GPR39: variants seen among roughly 807,000 people sequenced by gnomAD.
The protein encoded by GPR39 is G protein-coupled receptor 39, also known as zinc sensing receptor.
Under a neutral mutation model 18.4 loss-of-function variants are expected in GPR39, and 23 were observed. That is an observed-to-expected ratio of 1.25 (90% CI 0.90 to 1.77). GPR39 has a LOEUF of 1.77. Ranked by LOEUF, GPR39 falls within the 40% of genes most tolerant of loss-of-function variation. The pLI is 0.00. For synonymous variants in GPR39, 280 were observed against 257.9 expected, an observed-to-expected ratio of 1.09 and a Z score of -0.82; for missense variants, 647 against 602.4, an observed-to-expected ratio of 1.07 and a Z score of -0.78.
chr2:132,643,419 T>A (rs7558730), intron 1 of GPR39, among the ~76,000 whole-genome samples: 1 of 152,034 alleles, frequency 6.6e-6, no homozygotes, highest in Non-Finnish European at 1.5e-5. Flanking sequence ...TGAACACAGC[T>A]AGGGTCCCCT....
chr2:132,608,787 C>A lies in GPR39; in HGVS notation c.857-36314C>A, dbSNP rs114591601. 6.5e-3 allele frequency among the ~76,000 whole-genome samples: 997 copies of A among 152,292 alleles called. 17 individuals are homozygous for A. Among genetic ancestry groups the A allele is most frequent in the African/African-American group, 0.023 (945 of 41,560 alleles). ...TTTAAGTAGCCATTAGCCCCCTCCG[C>A]TGCAAAGCTGGGGTGGGGTGCGGGA... On this transcript the variant is annotated intron_variant, in intron 1 of 1. Coordinates refer to ENST00000329321, the MANE Select transcript of GPR39 (RefSeq NM_001508.3).
chr2:132,638,165 A>T (rs1199090892), intron 1 of GPR39, among the ~76,000 whole-genome samples: 1 of 152,088 alleles, frequency 6.6e-6, no homozygotes, highest in African/African-American at 2.4e-5. Flanking sequence ...AGAAGACAGG[A>T]TGAGGAAGAG....
chr2:132,445,015 A>G (rs961780291), intron 1 of GPR39, among the ~76,000 whole-genome samples: 1 of 152,186 alleles, frequency 6.6e-6, no homozygotes, highest in African/African-American at 2.4e-5. Context: ...AAATGGCTTC[A>G]GCTCCCCTAC....
intron 1 of GPR39, among the ~76,000 whole-genome samples, chr2:132,530,281 GAAGA>G (rs973485592): frequency 1.3e-5 from 2 of 152,116 alleles, no homozygotes; most frequent in African/African-American, 4.8e-5. Context: ...TGAATGAAAT[GAAGA>G]GAGAAGAGAA....
chr2:132,620,166 G>A (rs1681414769), intron 1 of GPR39, among the ~76,000 whole-genome samples: 3 of 152,272 alleles, frequency 2.0e-5, no homozygotes, highest in African/African-American at 7.2e-5. Flanking sequence ...GTCTGTGCTT[G>A]TAAGCAACTC....
chr2:132,631,270 T>C (rs1681646274), intron 1 of GPR39, among the ~76,000 whole-genome samples: 1 of 152,252 alleles, frequency 6.6e-6, no homozygotes, highest in South Asian at 2.1e-4. Context: ...CGACATTTAC[T>C]GCTGCACTTG....
chr2:132,430,445 T>C (rs1680206184), intron 1 of GPR39, among the ~76,000 whole-genome samples: 1 of 152,206 alleles, frequency 6.6e-6, no homozygotes, highest in Admixed American at 6.5e-5. Context: ...AACCGGATTC[T>C]TCTTATTTAG....
intron 1 of GPR39, among the ~76,000 whole-genome samples, chr2:132,475,421 C>T (rs1383185198): frequency 2.0e-5 from 3 of 152,020 alleles, no homozygotes; most frequent in Non-Finnish European, 4.4e-5. Flanking sequence ...AGAATAAATA[C>T]CATTCTGCCA....
intron 1 of GPR39, among the ~76,000 whole-genome samples, chr2:132,480,380 A>C (rs1175852593): frequency 1.3e-5 from 2 of 152,218 alleles, no homozygotes; most frequent in Non-Finnish European, 2.9e-5. Context: ...TTGTAAACTT[A>C]AAAATGGTTA....
In GPR39 at chr2:132,638,452, G is replaced by C. The variant is rs567665457; in HGVS notation, c.857-6649G>C. Among the ~76,000 whole-genome samples the C allele has an allele frequency of 2.2e-4, 34 of 152,330 alleles. 1 individual carries two copies. In the South Asian group the frequency reaches 7.0e-3, roughly 32 times the overall value. ...CCAGATTGTGGGCCACACCCTCAGA[G>C]TCTCTGATTCAGGAGATCTGGGTTG... On this transcript the variant is annotated intron_variant, in intron 1 of 1. Coordinates refer to ENST00000329321, the MANE Select transcript of GPR39 (RefSeq NM_001508.3).
At chr2:132,611,385 CTT>C (rs1681236434) in intron 1 of GPR39, among the ~76,000 whole-genome samples, 1 of 152,198 alleles carries the variant, frequency 6.6e-6, no homozygotes, top group South Asian at 2.1e-4. Flanking sequence ...GTAAAGCACT[CTT>C]TCTCACTGCC....
intron 1 of GPR39, among the ~76,000 whole-genome samples, chr2:132,434,768 T>C (rs1680282457): frequency 6.6e-6 from 1 of 152,134 alleles, no homozygotes; most frequent in Admixed American, 6.5e-5. Context: ...CAGATATGCA[T>C]GACTTCACAG....
At chr2:132,449,041 T>C (rs1680587290) in intron 1 of GPR39, among the ~76,000 whole-genome samples, 1 of 152,190 alleles carries the variant, frequency 6.6e-6, no homozygotes. Flanking sequence ...CCACCTTGCA[T>C]GGTATTAAAC....
intron 1 of GPR39, among the ~76,000 whole-genome samples, chr2:132,524,946 T>G (rs1375750097): frequency 1.3e-5 from 2 of 152,176 alleles, no homozygotes; most frequent in African/African-American, 4.8e-5. Flanking sequence ...ATACAGCCCA[T>G]ACTCAAGCCT....
chr2:132,556,271 C>A (rs1221416995), intron 1 of GPR39, among the ~76,000 whole-genome samples: 1 of 152,130 alleles, frequency 6.6e-6, no homozygotes, highest in African/African-American at 2.4e-5. Context: ...ATATGGACAG[C>A]CTAAGTAGTG....
chr2:132,485,919 A>G (rs1476406164), intron 1 of GPR39, among the ~76,000 whole-genome samples: 3 of 152,176 alleles, frequency 2.0e-5, no homozygotes, highest in Admixed American at 6.5e-5. Context: ...AAGGTGTTCA[A>G]TTTACTTTCC....
chr2:132,497,093 C>T (rs1681654987), intron 1 of GPR39, among the ~76,000 whole-genome samples: 1 of 152,160 alleles, frequency 6.6e-6, no homozygotes, highest in East Asian at 1.9e-4. Context: ...AAGTTGATTG[C>T]TGCTGAGATT....
In GPR39 at chr2:132,563,708, T is replaced by C. The variant is rs532668529; in HGVS notation, c.857-81393T>C. 1.3e-3 allele frequency among the ~76,000 whole-genome samples: 200 copies of C among 152,306 alleles called. 3 individuals carry two copies. The highest frequency in any genetic ancestry group is 4.4e-3 in the African/African-American group (182 of 41,574). On this transcript the variant is annotated intron_variant, in intron 1 of 1. Transcript: ENST00000329321. ...TTGCAGAAATCCCAATGCTCAGGCCTTACTCCAAGCCAATTAAATGAGAAC... is the reference window on the plus strand; with the variant it reads ...TTGCAGAAATCCCAATGCTCAGGCCCTACTCCAAGCCAATTAAATGAGAAC...
intron 1 of GPR39, among the ~76,000 whole-genome samples, chr2:132,503,066 T>G (rs534490401): frequency 1.3e-5 from 2 of 152,368 alleles, no homozygotes; most frequent in Admixed American, 1.3e-4. Flanking sequence ...ATTATTCTTC[T>G]GGCAAATCAG....
Sources: gnomAD v4.1 joint callset for allele counts (sites outside exome capture counted in the v4.1 genomes callset) on GRCh38, gnomAD v4.1.1 for gene constraint, MANE v1.5 for transcripts, NCBI Gene and HGNC (gene_info 2026-07-23, HGNC 2026-07-21) for gene names.